The following ZNF160 variants were observed in gnomAD, a reference collection of about 807,000 sequenced individuals.
ZNF160 encodes zinc finger protein 160.
Under a neutral mutation model 13.1 loss-of-function variants are expected in ZNF160, and 9 were observed. That is an observed-to-expected ratio of 0.69 (90% CI 0.41 to 1.20). The LOEUF is 1.20. Among genes scored for constraint, ZNF160 ranks in the 50% most tolerant of loss-of-function variants. ZNF160 has a pLI of 0.01. For missense variants in ZNF160, 838 were observed against 988.0 expected (o/e 0.85, Z 2.04); for synonymous variants, 293 against 333.2 (o/e 0.88, Z 1.31).
At chr19:53,078,017 G>A (rs1355810537) in intron 3 of ZNF160, among the ~76,000 whole-genome samples, 5 of 152,108 alleles carry the variant, frequency 3.3e-5, no homozygotes, top group African/African-American at 4.8e-5. Context: ...TAAGGCGGGC[G>A]GATCACGAGG....
intron 3 of ZNF160, among the ~76,000 whole-genome samples, chr19:53,078,878 G>T (rs4801950): frequency 0.88 from 133,193 of 151,966 alleles, 58,458 homozygotes; most frequent in Middle Eastern, 0.95. Context: ...ACTCAATGTT[G>T]AATGAAGAAT....
intron 1 of ZNF160, chr19:53,093,539 T>C (rs751830482): frequency 7.9e-5 from 12 of 152,108 alleles, no homozygotes; most frequent in Non-Finnish European, 1.2e-4. Flanking sequence ...TGTCAACACA[T>C]AACACCAAGT....
intron 2 of ZNF160, among the ~76,000 whole-genome samples, chr19:53,087,918 A>G (rs1417772134): frequency 2.0e-5 from 3 of 152,180 alleles, no homozygotes; most frequent in African/African-American, 4.8e-5. Flanking sequence ...AGAGTTTTGG[A>G]GACAACTAGA....
chr19:53,074,296 GT>G, intron 4 of ZNF160, 28 bp from the exon 5 acceptor site: 1 of 1,611,496 alleles, frequency 6.2e-7, no homozygotes. Context: ...GGATCACAAT[GT>G]GCCGGGGCTT....
At chr19:53,082,150 T>C (rs1862200038) in intron 3 of ZNF160, among the ~76,000 whole-genome samples, 1 of 152,164 alleles carries the variant, frequency 6.6e-6, no homozygotes, top group African/African-American at 2.4e-5. Flanking sequence ...TGAAAAACTA[T>C]CTATCGGGTA....
chr19:53,075,835 G>A, intron 3 of ZNF160: 1 of 518,830 alleles, frequency 1.9e-6, no homozygotes, highest in East Asian at 5.4e-5. Flanking sequence ...TTCACAGCTG[G>A]TCATTGAGAA....
At chr19:53,076,377 A>G (rs1240450137) in intron 3 of ZNF160, among the ~76,000 whole-genome samples, 1 of 152,232 alleles carries the variant, frequency 6.6e-6, no homozygotes, top group Non-Finnish European at 1.5e-5. Flanking sequence ...GTGGCGGCTC[A>G]TGCCTGTAAT....
Position 53,069,667 on chromosome 19 carries a change from C to G in ZNF160, c.867G>C (p.Glu289Asp). 6.2e-7 allele frequency: 1 copy of G among 1,614,100 alleles called. No individual in the cohort carries two copies. The highest frequency in any genetic ancestry group is 1.1e-5 in the South Asian group (1 of 91,076). ...AACGAACAGTAAAGGTTTTGCCGCA[C>G]TCACTGCATTTGTAAGGCTTCTCTC... The part of the protein sequence containing the change: ...HSGEKPYKCS[E>D]CGKTFTVRSN... Residue 289 changes from glutamate to aspartate, a missense_variant, in exon 6 of 6, where the codon GAG (glutamate) becomes GAC (aspartate). Glu to Asp is a conservative substitution (Grantham distance 45). Transcript: ENST00000683776. This position sits in a 1 kb window ranked among gnomAD's most constrained non-coding sequence, Gnocchi z 4.4.
chr19:53,085,615 G>A, intron 3 of ZNF160: 1 of 162,960 alleles, frequency 6.1e-6, no homozygotes. Flanking sequence ...AAAGGTTCTT[G>A]TAAGAACATC....
At chr19:53,087,359 T>C (rs1204038224) in intron 2 of ZNF160, among the ~76,000 whole-genome samples, 1 of 152,194 alleles carries the variant, frequency 6.6e-6, no homozygotes, top group Non-Finnish European at 1.5e-5. Flanking sequence ...TCCTCACCTG[T>C]TTTAAGTAAA....
chr19:53,080,260 C>T (rs992621944), intron 3 of ZNF160, among the ~76,000 whole-genome samples: 28 of 152,056 alleles, frequency 1.8e-4, no homozygotes, highest in African/African-American at 3.9e-4. Context: ...CCACCACGCC[C>T]GGCTAATTTT....
intron 1 of ZNF160, among the ~76,000 whole-genome samples, chr19:53,092,175 A>C (rs988574308): frequency 6.6e-6 from 1 of 152,246 alleles, no homozygotes; most frequent in Non-Finnish European, 1.5e-5. Context: ...CAATATTTAA[A>C]TAAAAATTGT....
chr19:53,095,713 TTGTC>T (rs2085208119), intron 1 of ZNF160: 1 of 152,078 alleles, frequency 6.6e-6, no homozygotes, highest in African/African-American at 2.4e-5. Context: ...AATATATAAA[TTGTC>T]TGTTTATGCA....
At chr19:53,087,440 C>T (rs774466960) in intron 2 of ZNF160, among the ~76,000 whole-genome samples, 5 of 152,132 alleles carry the variant, frequency 3.3e-5, no homozygotes, top group Non-Finnish European at 7.3e-5. Context: ...TTAAACATGA[C>T]AAGAAGTTCA....
chr19:53,085,177 A>C, intron 3 of ZNF160: 1 of 985,386 alleles, frequency 1.0e-6, no homozygotes, highest in Non-Finnish European at 1.2e-6. Flanking sequence ...CTTCATTCCC[A>C]GCATGCTCCA....
rs756318740 is a variant in ZNF160 at position 53,074,148 on chromosome 19, A to G, written c.263T>C (p.Val88Ala). The G allele has an allele frequency of 1.3e-5, 21 of 1,613,764 alleles. No homozygotes were observed. In the South Asian group the frequency reaches 2.3e-4, roughly 18 times the overall value. The change falls in exon 5 of 6, where the codon GTG becomes GCG. Residue 88 changes from valine (V) to alanine (A), a missense_variant. Coordinates refer to ENST00000683776, the MANE Select transcript of ZNF160 (RefSeq NM_001322131.2). ...CCCATCTGAGCTCTTACCTGTGACCACGCCTTTGACACATTCCGGCGTTCT... is the reference window on the plus strand; with the variant it reads ...CCCATCTGAGCTCTTACCTGTGACCGCGCCTTTGACACATTCCGGCGTTCT... ...KPRTPECVKG[V>A]VTDIPPKCTI...
chr19:53,087,535 T>G (rs1386093880), intron 2 of ZNF160, among the ~76,000 whole-genome samples: 2 of 151,960 alleles, frequency 1.3e-5, no homozygotes, highest in African/African-American at 2.4e-5. Context: ...GTTTGGGAAG[T>G]CACTTTTATT....
At position 53,074,264 on chromosome 19, in the gene ZNF160, C is replaced by T. The variant is rs34742982; in HGVS notation, c.147G>A (p.Leu49=). The stretch of plus-strand genomic sequence containing the variant: ...AGATAATATTCATATCAAAATGACA[C>T]AGTCCTGTTTATAAAAAGAAAGGAT... ...ENYWNLVSLG[L]CHFDMNIISM... is the part of the protein sequence containing the mutation. The change falls in exon 5 of 6, where the codon CTG becomes CTA. Residue 49 remains leucine (L), a synonymous_variant. Coordinates refer to ENST00000683776, the MANE Select transcript of ZNF160 (RefSeq NM_001322131.2). 1.5e-3 allele frequency: 2,436 copies of T among 1,613,986 alleles called. 22 individuals carry two copies. In the African/African-American group the frequency reaches 0.023, roughly 15 times the overall value.
intron 1 of ZNF160, among the ~76,000 whole-genome samples, chr19:53,099,499 G>A (rs544717717): frequency 3.3e-5 from 5 of 152,310 alleles, no homozygotes; most frequent in South Asian, 4.1e-4. Context: ...ACGGGAAGCC[G>A]GTGGAGGGTT....
Sources: allele counts gnomAD v4.1 joint callset (sites outside exome capture counted in the v4.1 genomes callset), GRCh38; gene constraint gnomAD v4.1.1; non-coding constraint Gnocchi (gnomAD v3.1); transcripts MANE v1.5; gene names NCBI Gene and HGNC (gene_info 2026-07-23, HGNC 2026-07-21).